TXNDC16: variants seen among roughly 807,000 people sequenced by gnomAD.
TXNDC16 encodes thioredoxin domain containing 16.
Under a neutral mutation model 85.6 loss-of-function variants are expected in TXNDC16, and 74 were observed. That is an observed-to-expected ratio of 0.86 (90% confidence interval 0.72 to 1.05). TXNDC16 has a LOEUF of 1.05. TXNDC16 is among the 50% of genes least tolerant of loss of function. The pLI, the probability that TXNDC16 is intolerant of heterozygous loss-of-function variation, is 0.00. For missense variants in TXNDC16, 959 were observed against 947.0 expected (o/e 1.01, Z -0.17); for synonymous variants, 335 against 326.5 (o/e 1.03, Z -0.28).
Position 52,493,216 on chromosome 14 carries a change from T to TATATATATATATATACACACAC in TXNDC16, c.757-2212_757-2211insGTGTGTGTATATATATATATAT. 1.4e-3 allele frequency among the ~76,000 whole-genome samples: 161 copies of TATATATATATATATACACACAC among 115,916 alleles called. 2 individuals carry two copies. The highest frequency in any genetic ancestry group is 5.4e-3 in the African/African-American group (152 of 28,232). 76.0% of individuals were successfully genotyped at this position (115,916 alleles called of 152,430 possible). A position where few individuals can be genotyped will look rare whatever the true frequency, so the allele number is the denominator to read the frequency against. On this transcript the variant is annotated intron_variant, in intron 9 of 20. Coordinates refer to ENST00000281741, the MANE Select transcript of TXNDC16 (RefSeq NM_020784.3). ...TTCTATATATATATATATATATATA[T>TATATATATATATATACACACAC]ACACACACACACACACACATATTTA...
chr14:52,529,494 C>CTA lies in TXNDC16; in HGVS notation c.392+7223_392+7224dup, dbSNP rs549836381. Among the ~76,000 whole-genome samples the CTA allele has an allele frequency of 4.6e-4, 44 of 95,436 alleles. 3 individuals are homozygous for CTA. The highest frequency in any genetic ancestry group is 2.2e-3 in the African/African-American group (41 of 18,786). The allele number at this position is 95,436 out of a possible 152,430, so 62.6% of individuals were successfully genotyped here. On this transcript the variant is annotated intron_variant, in intron 6 of 20. Transcript: ENST00000281741. ...TAATAATAAAAAGAAAAAATACCTA[C>CTA]TATATATTATATATAATGCCTATTA...
At chr14:52,535,870 G>A (rs947082229) in intron 6 of TXNDC16, among the ~76,000 whole-genome samples, 6 of 151,978 alleles carry the variant, frequency 3.9e-5, no homozygotes, top group Non-Finnish European at 7.4e-5. Flanking sequence ...AAATCCCAGT[G>A]AGAATAACAA....
chr14:52,507,151 A>T (rs2036830043), intron 9 of TXNDC16, among the ~76,000 whole-genome samples: 1 of 152,138 alleles, frequency 6.6e-6, no homozygotes, highest in Admixed American at 6.5e-5. Flanking sequence ...ACATGATTGT[A>T]TATCTAGAAA....
At chr14:52,514,038 C>G (rs2037020197) in intron 8 of TXNDC16, among the ~76,000 whole-genome samples, 1 of 151,984 alleles carries the variant, frequency 6.6e-6, no homozygotes, top group Non-Finnish European at 1.5e-5. Flanking sequence ...TAAGGAGAGA[C>G]TAATGGAAAA....
intron 6 of TXNDC16, among the ~76,000 whole-genome samples, chr14:52,529,834 C>T (rs1468322410): frequency 2.0e-5 from 2 of 101,592 alleles, no homozygotes; most frequent in East Asian, 3.0e-4. Flanking sequence ...TGTATTATTA[C>T]TATATATAAT....
At chr14:52,518,950 GC>G (rs370050576) in intron 7 of TXNDC16, among the ~76,000 whole-genome samples, 148 of 152,102 alleles carry the variant, frequency 9.7e-4, no homozygotes, top group African/African-American at 3.3e-3. Context: ...TTGTCCAAGG[GC>G]TCACTACAAA....
chr14:52,465,460 C>T (rs549861489), intron 16 of TXNDC16, among the ~76,000 whole-genome samples: 80 of 151,988 alleles, frequency 5.3e-4, no homozygotes, highest in African/African-American at 1.0e-3. Context: ...GGCTTGGTGG[C>T]GGGCGCCTGT....
At chr14:52,528,973 T>A (rs1159185045) in intron 6 of TXNDC16, among the ~76,000 whole-genome samples, 2 of 147,816 alleles carry the variant, frequency 1.4e-5, no homozygotes, top group Non-Finnish European at 3.0e-5. Context: ...ATAATACCTA[T>A]TCTATATAAT....
chr14:52,480,412 A>C (rs187697685), intron 14 of TXNDC16, among the ~76,000 whole-genome samples: 36 of 152,296 alleles, frequency 2.4e-4, no homozygotes, highest in Admixed American at 1.6e-3. Flanking sequence ...AAATCTTCAC[A>C]ATCTATACGT....
At chr14:52,446,011 CTAGAG>C (rs2035275231) in intron 18 of TXNDC16, among the ~76,000 whole-genome samples, 2 of 152,156 alleles carry the variant, frequency 1.3e-5, no homozygotes, top group Admixed American at 6.5e-5. Context: ...AGATGGCAGA[CTAGAG>C]TACTCTACCA....
At chr14:52,509,794 C>A (rs1392706879) in intron 9 of TXNDC16, among the ~76,000 whole-genome samples, 1 of 151,576 alleles carries the variant, frequency 6.6e-6, no homozygotes, top group South Asian at 2.1e-4. Context: ...CTGGCTAAGA[C>A]AATAAAACCC....
In TXNDC16 at chr14:52,482,222, T is replaced by C; in HGVS notation, c.1312+8A>G. On this transcript the variant is annotated splice_region_variant and intron_variant, in intron 14 of 20. Coordinates refer to ENST00000281741, the MANE Select transcript of TXNDC16 (RefSeq NM_020784.3). ...AGAATAATAAGCATGCATAGCACAG[T>C]ACACTACCTTTCAGTTTAACTGCCA... The C allele has an allele frequency of 6.2e-7, 1 of 1,610,870 alleles. No individual in the cohort carries two copies. Among genetic ancestry groups the C allele is most frequent in the Non-Finnish European group, 8.5e-7 (1 of 1,177,954 alleles).
At chr14:52,498,071 A>G (rs1349563982) in intron 9 of TXNDC16, among the ~76,000 whole-genome samples, 2 of 152,180 alleles carry the variant, frequency 1.3e-5, no homozygotes, top group African/African-American at 2.4e-5. Context: ...CGATTGATGC[A>G]GGAAAAGCAT....
At chr14:52,529,242 C>A (rs2037415561) in intron 6 of TXNDC16, among the ~76,000 whole-genome samples, 1 of 149,456 alleles carries the variant, frequency 6.7e-6, no homozygotes, top group Non-Finnish European at 1.5e-5. Flanking sequence ...AAACCAAACA[C>A]CGCATGTTCT....
At chr14:52,515,195 G>C (rs1015639223) in intron 7 of TXNDC16, among the ~76,000 whole-genome samples, 1 of 152,088 alleles carries the variant, frequency 6.6e-6, no homozygotes, top group Non-Finnish European at 1.5e-5. Flanking sequence ...TAGAAAATGA[G>C]TTTTTACTTG....
intron 9 of TXNDC16, among the ~76,000 whole-genome samples, chr14:52,508,149 T>C (rs1367013890): frequency 6.6e-6 from 1 of 151,804 alleles, no homozygotes; most frequent in Non-Finnish European, 1.5e-5. Flanking sequence ...TGGGAGAAAA[T>C]TTTTGCAATC....
chr14:52,502,253 A>G (rs995186384), intron 9 of TXNDC16, among the ~76,000 whole-genome samples: 1 of 152,202 alleles, frequency 6.6e-6, no homozygotes, highest in Admixed American at 6.5e-5. Flanking sequence ...CTAGTTGTCT[A>G]GGAAAAAAAA....
chr14:52,501,740 G>A (rs938111910), intron 9 of TXNDC16, among the ~76,000 whole-genome samples: 2 of 152,144 alleles, frequency 1.3e-5, no homozygotes, highest in Admixed American at 6.5e-5. Context: ...GGTATAACCC[G>A]TTAGAACAAA....
rs193006218 is a variant in TXNDC16 at position 52,488,166 on chromosome 14, T to G, written c.1108+197A>C. On this transcript the variant is annotated intron_variant, in intron 12 of 20. Coordinates refer to ENST00000281741, the MANE Select transcript of TXNDC16 (RefSeq NM_020784.3). ...ATATGTAACAGTAAATGTTAATACATTAAACAAAATATAGCATCCTTACAT... is the reference window on the plus strand; with the variant it reads ...ATATGTAACAGTAAATGTTAATACAGTAAACAAAATATAGCATCCTTACAT... 8.4e-4 allele frequency among the ~76,000 whole-genome samples: 128 copies of G among 152,324 alleles called. 1 individual carries two copies. The highest frequency in any genetic ancestry group is 2.9e-3 in the African/African-American group (122 of 41,590).
Sources: gnomAD v4.1 joint callset for allele counts (sites outside exome capture counted in the v4.1 genomes callset) on GRCh38, gnomAD v4.1.1 for gene constraint, MANE v1.5 for transcripts, NCBI Gene and HGNC (gene_info 2026-07-23, HGNC 2026-07-21) for gene names.